GRIA1: variants seen among roughly 807,000 people sequenced by gnomAD.
The protein encoded by GRIA1 is glutamate ionotropic receptor AMPA type subunit 1, also known as glutamate receptor 1.
In GRIA1, 31 loss-of-function variants were observed where a neutral mutation model predicts 99.2. That is an observed-to-expected ratio of 0.31 (90% CI 0.23 to 0.42). GRIA1 has a LOEUF of 0.42. GRIA1 is among the 10% of genes least tolerant of loss of function. The pLI, the probability that GRIA1 is intolerant of heterozygous loss-of-function variation, is 1.00. For synonymous variants in GRIA1, 438 were observed against 432.4 expected, an observed-to-expected ratio of 1.01 and a Z score of -0.16; for missense variants, 782 against 1,157.5, an observed-to-expected ratio of 0.68 and a Z score of 4.71.
chr5:153,788,035 A>G (rs2126165), intron 13 of GRIA1, among the ~76,000 whole-genome samples: 91,464 of 151,674 alleles, frequency 0.6, 28,633 homozygotes, highest in East Asian at 0.94. Flanking sequence ...AGCTGAGATC[A>G]TGCCACTGCA....
chr5:153,568,874 C>T (rs1247881145), intron 2 of GRIA1, among the ~76,000 whole-genome samples: 1 of 152,190 alleles, frequency 6.6e-6, no homozygotes, highest in Non-Finnish European at 1.5e-5. Flanking sequence ...ACTCCAAACA[C>T]GTTTCCCAGA....
chr5:153,626,667 G>A (rs1057055071), intron 2 of GRIA1, among the ~76,000 whole-genome samples: 3 of 152,038 alleles, frequency 2.0e-5, no homozygotes, highest in African/African-American at 7.2e-5. Context: ...AGAGTGGAGT[G>A]GAAACTTCTC....
chr5:153,723,559 T>A (rs1192698019), intron 11 of GRIA1, among the ~76,000 whole-genome samples: 1 of 152,152 alleles, frequency 6.6e-6, no homozygotes, highest in East Asian at 1.9e-4. Context: ...GCTTTTCCAA[T>A]GGACTTAAAA....
intron 2 of GRIA1, among the ~76,000 whole-genome samples, chr5:153,578,056 C>A (rs113628507): frequency 0.11 from 15,902 of 139,362 alleles, 940 homozygotes; most frequent in South Asian, 0.27. Context: ...GAGGCTGAGA[C>A]ATGAAAATCG....
Position 153,552,248 on chromosome 5 carries a change from G to GA in GRIA1, c.220+58194dup, listed in dbSNP as rs72179001. Among the ~76,000 whole-genome samples the GA allele has an allele frequency of 6.7e-4, 99 of 147,394 alleles. No individual in the cohort carries two copies. In the Middle Eastern group the frequency reaches 0.01, roughly 16 times the overall value. On this transcript the variant is annotated intron_variant, in intron 2 of 15. Transcript: ENST00000285900. Reference sequence around the variant, plus strand: ...AATTTGGATTTTCAGCAAAAAAAAAGAAAAAAAAAAAGAAGAAGGTTTGGC... The same window carrying GA: ...AATTTGGATTTTCAGCAAAAAAAAAGAAAAAAAAAAAAGAAGAAGGTTTGGC...
chr5:153,531,330 G>A (rs181648262), intron 2 of GRIA1, among the ~76,000 whole-genome samples: 1 of 152,228 alleles, frequency 6.6e-6, no homozygotes, highest in Non-Finnish European at 1.5e-5. Context: ...GCCTTCCTGG[G>A]GATCTTCTCT....
intron 2 of GRIA1, among the ~76,000 whole-genome samples, chr5:153,639,673 C>T (rs1472627066): frequency 1.3e-5 from 2 of 152,214 alleles, no homozygotes; most frequent in East Asian, 3.9e-4. Context: ...TCATCTCTCT[C>T]CCTCTCTAGA....
chr5:153,779,481 C>T (rs943426986), intron 13 of GRIA1, among the ~76,000 whole-genome samples: 7 of 152,202 alleles, frequency 4.6e-5, no homozygotes, highest in African/African-American at 9.6e-5. Flanking sequence ...TGCAGATCCA[C>T]GCTGCTTATT....
chr5:153,733,176 A>G (rs1269138944), intron 11 of GRIA1, among the ~76,000 whole-genome samples: 1 of 152,022 alleles, frequency 6.6e-6, no homozygotes, highest in African/African-American at 2.4e-5. Context: ...ATATAAAAAC[A>G]TAGGAATTGT....
At chr5:153,540,944 G>A (rs1759026888) in intron 2 of GRIA1, among the ~76,000 whole-genome samples, 1 of 152,170 alleles carries the variant, frequency 6.6e-6, no homozygotes, top group Admixed American at 6.5e-5. Flanking sequence ...GTAAGATAAA[G>A]TAAGAATGAT....
At chr5:153,673,177 C>A (rs1756322588) in intron 5 of GRIA1, among the ~76,000 whole-genome samples, 1 of 152,192 alleles carries the variant, frequency 6.6e-6, no homozygotes, top group Admixed American at 6.5e-5. Context: ...CACCTCTGGG[C>A]CTTTGCTCAG....
chr5:153,710,700 A>G (rs1759253128), intron 11 of GRIA1, among the ~76,000 whole-genome samples: 1 of 152,234 alleles, frequency 6.6e-6, no homozygotes, highest in East Asian at 1.9e-4. Flanking sequence ...TGCCTACGAC[A>G]TGCAGGGTAT....
At chr5:153,579,488 G>C (rs915131732) in intron 2 of GRIA1, among the ~76,000 whole-genome samples, 6 of 152,164 alleles carry the variant, frequency 3.9e-5, no homozygotes, top group African/African-American at 1.4e-4. Context: ...TCTCTTACCT[G>C]AGTAGATGGG....
At chr5:153,667,437 C>G (rs754575088) in intron 5 of GRIA1, among the ~76,000 whole-genome samples, 26 of 152,214 alleles carry the variant, frequency 1.7e-4, no homozygotes, top group Non-Finnish European at 2.2e-4. Flanking sequence ...GCTTCATGTT[C>G]TCTCAGGCTT....
At chr5:153,624,816 A>G (rs1581354314) in intron 2 of GRIA1, among the ~76,000 whole-genome samples, 2 of 152,352 alleles carry the variant, frequency 1.3e-5, no homozygotes. Context: ...CATCTTTAGT[A>G]TCTTCTGTAT....
intron 11 of GRIA1, among the ~76,000 whole-genome samples, chr5:153,710,091 G>A (rs1183164399): frequency 6.6e-6 from 1 of 152,052 alleles, no homozygotes; most frequent in Non-Finnish European, 1.5e-5. Context: ...AATTGGTTTT[G>A]TATAACCCAT....
At chr5:153,700,866 C>T (rs1442046456) in intron 10 of GRIA1, among the ~76,000 whole-genome samples, 1 of 152,204 alleles carries the variant, frequency 6.6e-6, no homozygotes, top group Admixed American at 6.5e-5. Context: ...AGGAAATCTT[C>T]CTCAGGGAGG....
intron 2 of GRIA1, among the ~76,000 whole-genome samples, chr5:153,510,101 G>A (rs1019254840): frequency 3.3e-5 from 5 of 152,080 alleles, no homozygotes; most frequent in Non-Finnish European, 5.9e-5. Context: ...TTTAGTTCTC[G>A]AGGTCTTGCT....
intron 2 of GRIA1, among the ~76,000 whole-genome samples, chr5:153,575,946 C>T (rs1413791989): frequency 6.6e-6 from 1 of 152,202 alleles, no homozygotes; most frequent in Non-Finnish European, 1.5e-5. Flanking sequence ...AAAAGAATTA[C>T]ATTCATCCTG....
Sources: allele counts gnomAD v4.1 joint callset (sites outside exome capture counted in the v4.1 genomes callset), GRCh38; gene constraint gnomAD v4.1.1; transcripts MANE v1.5; gene names NCBI Gene and HGNC (gene_info 2026-07-23, HGNC 2026-07-21).